The following MYO7A variants were observed in gnomAD, a reference collection of about 807,000 sequenced individuals.
MYO7A encodes the protein unconventional myosin-VIIa.
MYO7A carries 210 observed loss-of-function variants against 263.8 expected under a neutral mutation model. The ratio of observed to expected loss-of-function variants is 0.80; its 90% CI spans 0.71 to 0.89. MYO7A has a LOEUF of 0.89. Among genes scored for constraint, MYO7A ranks in the 40% least tolerant of loss-of-function variants. MYO7A has a pLI of 0.00. For synonymous variants in MYO7A, 1,239 were observed against 1,197.3 expected (o/e 1.03, Z -0.72); for missense variants, 2,820 against 2,968.3 (o/e 0.95, Z 1.16).
intron 4 of MYO7A, among the ~76,000 whole-genome samples, 159 bp from the exon 5 acceptor site, chr11:77,155,748 T>A (rs1555061083): frequency 1.3e-5 from 2 of 152,038 alleles, no homozygotes; most frequent in Non-Finnish European, 2.9e-5. Flanking sequence ...CTGCCCCAGC[T>A]CCTAAGGAGG....
chr11:77,214,758 T>C lies in MYO7A; in HGVS notation c.*62T>C. The C allele has an allele frequency of 1.5e-6, 2 of 1,335,850 alleles. No individual in the cohort carries two copies. The highest frequency in any genetic ancestry group is 2.1e-6 in the Non-Finnish European group (2 of 957,158). The allele number at this position is 1,335,850 out of a possible 1,614,324, so 82.7% of individuals were successfully genotyped here. A position where few individuals can be genotyped will look rare whatever the true frequency, so the allele number is the denominator to read the frequency against. ...CGAGGCAGCAGTGGGTTCAGGCCCA[T>C]CAGCTACCCCTGCAGCTGGGGAAGA... On this transcript the variant is annotated 3_prime_UTR_variant, in exon 49 of 49. Coordinates refer to ENST00000409709, the MANE Select transcript of MYO7A (RefSeq NM_000260.4).
In MYO7A at chr11:77,211,806, G is replaced by A. The variant is rs774452913; in HGVS notation, c.6238-15G>A. 2.6e-5 allele frequency: 42 copies of A among 1,607,978 alleles called. No individual in the cohort carries two copies. In the Middle Eastern group the frequency reaches 5.0e-4, roughly 19 times the overall value. On this transcript the variant is annotated splice_polypyrimidine_tract_variant and intron_variant, in intron 45 of 48. Transcript: ENST00000409709. ...CCCAGGACTGAGCCCAGCCCTGACCGCCCTGTCCCCATAGTCCATCGTCGC... is the reference window on the plus strand; with the variant it reads ...CCCAGGACTGAGCCCAGCCCTGACCACCCTGTCCCCATAGTCCATCGTCGC...
At chr11:77,173,697 A>G (rs1229876104) in intron 16 of MYO7A, among the ~76,000 whole-genome samples, 1 of 152,126 alleles carries the variant, frequency 6.6e-6, no homozygotes, top group African/African-American at 2.4e-5. Context: ...GGCCGGGGAA[A>G]GTGGCCCGGA....
At chr11:77,168,451 C>G (rs1953766285) in intron 15 of MYO7A, among the ~76,000 whole-genome samples, 1 of 152,166 alleles carries the variant, frequency 6.6e-6, no homozygotes, top group South Asian at 2.1e-4. Flanking sequence ...CATTCACTCC[C>G]CACTGCAACC....
chr11:77,212,146 G>A (rs765544293), intron 46 of MYO7A: 25 of 672,796 alleles, frequency 3.7e-5, no homozygotes, highest in Middle Eastern at 4.7e-4. Context: ...AGCTCAGCCT[G>A]GCAGTGGAGG....
chr11:77,144,103 C>T (rs782639019), intron 3 of MYO7A, among the ~76,000 whole-genome samples: 5 of 152,180 alleles, frequency 3.3e-5, no homozygotes, highest in Non-Finnish European at 7.3e-5. Flanking sequence ...GAACCCAGGA[C>T]CTCTGTCTTC....
intron 8 of MYO7A, 101 bp downstream of exon 8, chr11:77,157,493 C>T (rs907220215): frequency 1.3e-6 from 1 of 762,350 alleles, no homozygotes; most frequent in Non-Finnish European, 2.1e-6. Context: ...GGTCACAGGG[C>T]TCAGGTGCCA....
At position 77,182,105 on chromosome 11, in the gene MYO7A, G is replaced by A. The variant is rs781828913; in HGVS notation, c.3059G>A (p.Arg1020Gln). 1.3e-5 allele frequency: 21 copies of A among 1,613,340 alleles called. No individual in the cohort carries two copies. The highest frequency in any genetic ancestry group is 4.4e-5 in the South Asian group (4 of 91,074). The change falls in exon 24 of 49, where the codon CGG (arginine) becomes CAG (glutamine). Residue 1020 changes from arginine (R) to glutamine (Q), a missense_variant. Arg to Gln is a conservative substitution (Grantham distance 43). Coordinates refer to ENST00000409709, the MANE Select transcript of MYO7A (RefSeq NM_000260.4). ...QGTTTHSYTR[R>Q]PLKQPLLYHD... ...ACAACCACGCACTCCTACACCCGGC[G>A]GCCACTCAAACAGCCACTGCTCTAC...
intron 3 of MYO7A, among the ~76,000 whole-genome samples, chr11:77,145,399 T>C (rs889640713): frequency 2.0e-4 from 31 of 152,102 alleles, no homozygotes; most frequent in African/African-American, 6.0e-4. Context: ...GGAGGGCAAA[T>C]TGATGTGCTC....
At chr11:77,167,867 C>A (rs1953700676) in intron 15 of MYO7A, among the ~76,000 whole-genome samples, 1 of 152,150 alleles carries the variant, frequency 6.6e-6, no homozygotes, top group Non-Finnish European at 1.5e-5. Context: ...GGAAGAACCT[C>A]CCGCCCCCAC....
chr11:77,165,736 T>G (rs1251040532), intron 14 of MYO7A, among the ~76,000 whole-genome samples: 1 of 152,180 alleles, frequency 6.6e-6, no homozygotes, highest in African/African-American at 2.4e-5. Flanking sequence ...ACAAGGCCTT[T>G]TGATATCTTA....
intron 19 of MYO7A, 49 bp downstream of exon 19, chr11:77,177,692 ACG>A: frequency 6.7e-7 from 1 of 1,499,200 alleles, no homozygotes; most frequent in Non-Finnish European, 9.2e-7. Context: ...ATACAGGTGT[ACG>A]TGTGGTGTTT....
intron 46 of MYO7A, chr11:77,212,559 C>T (rs1957956562): frequency 2.9e-6 from 1 of 344,122 alleles, no homozygotes; most frequent in Non-Finnish European, 5.6e-6. Context: ...ACAACAGAGG[C>T]AGGAGTATGG....
In MYO7A at chr11:77,175,363, T is replaced by C; in HGVS notation, c.2095-9T>C. ...GTCCATTCCCTTGTGTTCCCCATCC[T>C]CACTCCAGGGCGACCTCCGCGGGAC... is the stretch of plus-strand genomic sequence containing the variant. On this transcript the variant is annotated splice_polypyrimidine_tract_variant and intron_variant, in intron 17 of 48. Transcript: ENST00000409709. 1 of 1,612,712 alleles carries C rather than the reference T, an allele frequency of 6.2e-7. No individual in the cohort carries two copies. The highest frequency in any genetic ancestry group is 1.1e-5 in the South Asian group (1 of 91,062).
intron 15 of MYO7A, among the ~76,000 whole-genome samples, chr11:77,171,640 G>C (rs1591332830): frequency 6.6e-6 from 1 of 152,122 alleles, no homozygotes; most frequent in South Asian, 2.1e-4. Context: ...GGTTTTTGAT[G>C]CTACAGGATA....
Position 77,180,189 on chromosome 11 carries a change from G to A in MYO7A, c.2587-185G>A, listed in dbSNP as rs138343866. Among the ~76,000 whole-genome samples, 81 of 152,320 alleles carry A rather than the reference G, an allele frequency of 5.3e-4. 1 individual carries two copies. Among genetic ancestry groups the A allele is most frequent in the Middle Eastern group, 3.4e-3 (1 of 294 alleles). On this transcript the variant is annotated intron_variant, in intron 21 of 48. Transcript: ENST00000409709. ...CTGGGAGACCGACGCAGATCTGGCC[G>A]GGCTTTAGGATCAGTGGTGCCTCCA...
chr11:77,151,175 A>C (rs1220402139), intron 4 of MYO7A, among the ~76,000 whole-genome samples: 1 of 152,130 alleles, frequency 6.6e-6, no homozygotes, highest in Non-Finnish European at 1.5e-5. Flanking sequence ...GCAACCCCTC[A>C]CTGCATGGTC....
At chr11:77,202,877 A>C (rs1342038147) in intron 37 of MYO7A, among the ~76,000 whole-genome samples, 183 bp from the exon 38 acceptor site, 1 of 151,378 alleles carries the variant, frequency 6.6e-6, no homozygotes, top group Non-Finnish European at 1.5e-5. Context: ...CTGAGAAAGA[A>C]AGGCCCAGTG....
Position 77,138,116 on chromosome 11 carries a change from G to A in MYO7A, c.19-4593G>A, listed in dbSNP as rs1383953482. ...GATTCCGGGCAAAGTGGGGCTGTGG[G>A]GGGTTCGGCCGAGACGGAGGGGGCC... On this transcript the variant is annotated intron_variant, in intron 2 of 48. Coordinates refer to ENST00000409709, the MANE Select transcript of MYO7A (RefSeq NM_000260.4). This position sits in a 1 kb window ranked among gnomAD's most constrained non-coding sequence, Gnocchi z 4.9. Among the ~76,000 whole-genome samples the A allele has an allele frequency of 6.6e-6, 1 of 152,154 alleles. No homozygotes were observed. Among genetic ancestry groups the A allele is most frequent in the East Asian group, 1.9e-4 (1 of 5,178 alleles).
Sources: gnomAD v4.1 joint callset for allele counts (sites outside exome capture counted in the v4.1 genomes callset) on GRCh38, gnomAD v4.1.1 for gene constraint, Gnocchi (gnomAD v3.1) non-coding constraint, MANE v1.5 for transcripts, NCBI Gene and HGNC (gene_info 2026-07-23, HGNC 2026-07-21) for gene names.